Variants in CACNA2D3 observed in about 807,000 individuals in gnomAD.
CACNA2D3 encodes the protein calcium voltage-gated channel auxiliary subunit alpha2delta 3, also known as voltage-dependent calcium channel subunit alpha-2/delta-3.
Under a neutral mutation model 160.6 loss-of-function variants are expected in CACNA2D3, and 60 were observed. The observed-to-expected ratio is 0.37, with a 90% CI of 0.30 to 0.46. CACNA2D3 has a LOEUF of 0.46. CACNA2D3 is among the 20% of genes least tolerant of loss of function. The pLI, the probability that CACNA2D3 is intolerant of heterozygous loss-of-function variation, is 1.00. For missense variants in CACNA2D3, 1,205 were observed against 1,365.0 expected (o/e 0.88, Z 1.85); for synonymous variants, 558 against 492.9 (o/e 1.13, Z -1.75).
chr3:54,913,953 G>A (rs751756416), intron 27 of CACNA2D3, among the ~76,000 whole-genome samples: 4 of 152,176 alleles, frequency 2.6e-5, no homozygotes, highest in Non-Finnish European at 5.9e-5. Flanking sequence ...GAAATTGGGT[G>A]CTCAGTAAAT....
chr3:54,591,131 A>G (rs1389213769), intron 9 of CACNA2D3, among the ~76,000 whole-genome samples: 3 of 152,190 alleles, frequency 2.0e-5, no homozygotes, highest in Non-Finnish European at 4.4e-5. Context: ...GACTTACTTA[A>G]TGGCATGTGG....
chr3:54,709,699 A>G (rs553726725), intron 11 of CACNA2D3, among the ~76,000 whole-genome samples: 1 of 152,224 alleles, frequency 6.6e-6, no homozygotes, highest in African/African-American at 2.4e-5. Context: ...CCAAAGTGGG[A>G]TGGTTGCTTG....
rs1292475668 is a variant in CACNA2D3, at chr3:54,752,778, A to T, written c.1246+101A>T. ...TAGAGAGTTCTAATAATTCTAAGAT[A>T]AAGTCTGGGTATATCTAAGTGATTA... On this transcript the variant is annotated intron_variant, in intron 12 of 37. Coordinates refer to ENST00000474759, the MANE Select transcript of CACNA2D3 (RefSeq NM_018398.3). 28 of 831,766 alleles carry T rather than the reference A, an allele frequency of 3.4e-5. No homozygotes were observed. The East Asian group carries it at 6.7e-4, about 20-fold the overall frequency. 51.5% of individuals were successfully genotyped at this position (831,766 alleles called of 1,614,324 possible). A position where few individuals can be genotyped will look rare whatever the true frequency, so the allele number is the denominator to read the frequency against.
chr3:54,949,945 G>A (rs7627714), intron 27 of CACNA2D3, among the ~76,000 whole-genome samples: 69,702 of 152,082 alleles, frequency 0.46, 16,756 homozygotes, highest in East Asian at 0.75. Context: ...TGTTTCTCTA[G>A]CTATTAAAGG....
intron 3 of CACNA2D3, among the ~76,000 whole-genome samples, chr3:54,376,616 T>C (rs1699017240): frequency 1.3e-5 from 2 of 152,142 alleles, no homozygotes; most frequent in South Asian, 2.1e-4. Context: ...TTGCCTCTTC[T>C]CCCAACTGAA....
chr3:54,615,100 G>A (rs1575382973), intron 9 of CACNA2D3, among the ~76,000 whole-genome samples: 2 of 152,166 alleles, frequency 1.3e-5, no homozygotes, highest in Non-Finnish European at 2.9e-5. Flanking sequence ...ACTTAACAGT[G>A]CAAAAGAGGA....
intron 4 of CACNA2D3, among the ~76,000 whole-genome samples, chr3:54,483,308 T>A (rs919028521): frequency 1.3e-5 from 2 of 152,156 alleles, no homozygotes; most frequent in South Asian, 4.1e-4. Flanking sequence ...TTTTTGACCC[T>A]AAAGGCTTCT....
chr3:54,401,444 A>G (rs1204407750), intron 4 of CACNA2D3, among the ~76,000 whole-genome samples: 1 of 152,234 alleles, frequency 6.6e-6, no homozygotes, highest in Non-Finnish European at 1.5e-5. Flanking sequence ...TCTCTGAGGT[A>G]CATTATAATT....
At chr3:54,205,838 T>C (rs1701267024) in intron 2 of CACNA2D3, among the ~76,000 whole-genome samples, 1 of 152,180 alleles carries the variant, frequency 6.6e-6, no homozygotes. Flanking sequence ...ATGTAGTTTA[T>C]GTTAGGGTTG....
At position 54,968,609 on chromosome 3, in the gene CACNA2D3, G is replaced by C. The variant is rs558480936; in HGVS notation, c.2511+98G>C. ...AGCCTGAAAGTGCCAGATTTCCGAT[G>C]AATGTTTGTAAAATCAACTGCCGGC... On this transcript the variant is annotated intron_variant, in intron 28 of 37. Coordinates refer to ENST00000474759, the MANE Select transcript of CACNA2D3 (RefSeq NM_018398.3). The C allele has an allele frequency of 3.5e-5, 29 of 830,210 alleles. No homozygotes were observed. The East Asian group carries it at 7.5e-4, about 22-fold the overall frequency. 51.4% of individuals were successfully genotyped at this position (830,210 alleles called of 1,614,324 possible). A position where few individuals can be genotyped will look rare whatever the true frequency, so the allele number is the denominator to read the frequency against.
At chr3:54,770,486 A>G (rs1702300938) in intron 13 of CACNA2D3, among the ~76,000 whole-genome samples, 1 of 152,350 alleles carries the variant, frequency 6.6e-6, no homozygotes, top group African/African-American at 2.4e-5. Flanking sequence ...ATTTGCTTCA[A>G]CCTCAAAAAC....
intron 27 of CACNA2D3, among the ~76,000 whole-genome samples, chr3:54,931,179 C>T (rs548558286): frequency 6.6e-6 from 1 of 152,296 alleles, no homozygotes; most frequent in East Asian, 1.9e-4. Flanking sequence ...GCTGCTCCCA[C>T]CTAAAACACG....
intron 4 of CACNA2D3, among the ~76,000 whole-genome samples, chr3:54,452,969 C>G (rs1700334297): frequency 6.6e-6 from 1 of 151,528 alleles, no homozygotes; most frequent in Non-Finnish European, 1.5e-5. Context: ...TTCTTTCTTT[C>G]CCTCTCTTTT....
rs186905342 is a variant in CACNA2D3 at position 55,030,103 on chromosome 3, T to C, written c.2987+11786T>C. Among the ~76,000 whole-genome samples, 38 of 152,258 alleles carry C rather than the reference T, an allele frequency of 2.5e-4. No individual in the cohort carries two copies. The East Asian group carries it at 7.4e-3, about 30-fold the overall frequency. On this transcript the variant is annotated intron_variant, in intron 35 of 37. Coordinates refer to ENST00000474759, the MANE Select transcript of CACNA2D3 (RefSeq NM_018398.3). The stretch of plus-strand genomic sequence containing the variant: ...TTCCCTTGTTGTCTTTACTTCCTTA[T>C]ATCTTGCCATGTTGGGTGGTAATGC...
At chr3:55,044,354 T>C (rs1358884715) in intron 35 of CACNA2D3, among the ~76,000 whole-genome samples, 1 of 152,208 alleles carries the variant, frequency 6.6e-6, no homozygotes, top group East Asian at 1.9e-4. Context: ...CTTGTACCTT[T>C]AGTGCTATTA....
chr3:54,834,556 A>T (rs535771295), intron 14 of CACNA2D3, among the ~76,000 whole-genome samples: 25 of 152,358 alleles, frequency 1.6e-4, no homozygotes, highest in Non-Finnish European at 2.6e-4. Context: ...GTTCATGGCA[A>T]CACTAACTGT....
chr3:54,604,921 A>G (rs1703138076), intron 9 of CACNA2D3, among the ~76,000 whole-genome samples: 1 of 152,222 alleles, frequency 6.6e-6, no homozygotes. Flanking sequence ...ACCACAAAGT[A>G]GGTGGCTTAA....
intron 35 of CACNA2D3, among the ~76,000 whole-genome samples, chr3:55,052,271 C>G (rs1440759416): frequency 2.0e-5 from 3 of 151,952 alleles, no homozygotes; most frequent in Admixed American, 6.6e-5. Context: ...ATTTGGAGTT[C>G]TATTTTATTA....
intron 4 of CACNA2D3, among the ~76,000 whole-genome samples, chr3:54,458,894 G>A (rs1215618149): frequency 6.6e-6 from 1 of 151,876 alleles, no homozygotes; most frequent in Non-Finnish European, 1.5e-5. Flanking sequence ...TTAGCATTAG[G>A]TATATCTCCT....
Sources: allele counts gnomAD v4.1 joint callset (sites outside exome capture counted in the v4.1 genomes callset), GRCh38; gene constraint gnomAD v4.1.1; transcripts MANE v1.5; gene names NCBI Gene and HGNC (gene_info 2026-07-23, HGNC 2026-07-21).